The following TSHZ1 variants were observed in gnomAD, a reference collection of about 807,000 sequenced individuals.
TSHZ1 encodes teashirt homolog 1.
A neutral mutation model predicts 67.1 loss-of-function variants in TSHZ1; 12 were observed. That is an observed-to-expected ratio of 0.18 (90% CI 0.11 to 0.29). The LOEUF is 0.29. Among genes scored for constraint, TSHZ1 ranks in the 10% least tolerant of loss-of-function variants. The pLI is 1.00. For synonymous variants in TSHZ1, 632 were observed against 622.4 expected (o/e 1.02, Z -0.23); for missense variants, 1,305 against 1,413.9 (o/e 0.92, Z 1.23).
chr18:75,287,294 C>G lies in TSHZ1; in HGVS notation c.1887C>G (p.Pro629=). 6.2e-7 allele frequency: 1 copy of G among 1,614,086 alleles called. No individual in the cohort carries two copies. The highest frequency in any genetic ancestry group is 1.1e-5 in the South Asian group (1 of 91,084). The change falls in exon 2 of 2, where the codon CCC becomes CCG. Residue 629 remains proline (P), a synonymous_variant. Coordinates refer to ENST00000580243, the MANE Select transcript of TSHZ1 (RefSeq NM_001308210.2). This position sits in a 1 kb window ranked among gnomAD's most constrained non-coding sequence, Gnocchi z 5.0. The part of the protein sequence containing the change: ...ALLHSPGSLT[P]PPHKSNVSAM... Reference sequence around the variant, plus strand: ...TGCACTCCCCAGGGAGCCTCACGCCCCCACCGCACAAGAGCAACGTGTCTG... The same window carrying G: ...TGCACTCCCCAGGGAGCCTCACGCCGCCACCGCACAAGAGCAACGTGTCTG...
intron 1 of TSHZ1, among the ~76,000 whole-genome samples, chr18:75,248,274 C>T (rs79216732): frequency 2.0e-5 from 3 of 152,162 alleles, no homozygotes; most frequent in Admixed American, 1.3e-4. Context: ...CTGATTCTGG[C>T]GCAAGTTAAT....
intron 1 of TSHZ1, among the ~76,000 whole-genome samples, chr18:75,226,703 T>C (rs992479757): frequency 6.6e-6 from 1 of 151,762 alleles, no homozygotes; most frequent in African/African-American, 2.4e-5. Flanking sequence ...TCACCAGCCC[T>C]CCCAGCCGCA....
intron 1 of TSHZ1, among the ~76,000 whole-genome samples, chr18:75,275,125 G>A (rs1599053337): frequency 1.3e-5 from 2 of 152,186 alleles, no homozygotes; most frequent in Admixed American, 6.5e-5. Flanking sequence ...TCCATGCCGC[G>A]ACGGCCTAGA....
At chr18:75,215,046 C>T (rs1271774319) in intron 1 of TSHZ1, among the ~76,000 whole-genome samples, 8 of 151,886 alleles carry the variant, frequency 5.3e-5, no homozygotes, top group South Asian at 2.1e-4. Context: ...TAATGACCTC[C>T]GTAATCCTGG....
At chr18:75,274,377 G>A (rs948619937) in intron 1 of TSHZ1, among the ~76,000 whole-genome samples, 1 of 152,094 alleles carries the variant, frequency 6.6e-6, no homozygotes, top group Non-Finnish European at 1.5e-5. Flanking sequence ...TGACGCCAAC[G>A]GTGAGGGTGT....
At chr18:75,231,646 T>C (rs2023000195) in intron 1 of TSHZ1, among the ~76,000 whole-genome samples, 2 of 151,344 alleles carry the variant, frequency 1.3e-5, no homozygotes, top group South Asian at 2.1e-4. Context: ...GCGATTCTCC[T>C]GCCTCAGCCA....
chr18:75,288,186 G>C lies in TSHZ1; in HGVS notation c.2779G>C (p.Val927Leu), dbSNP rs183334241. The C allele has an allele frequency of 3.3e-5, 53 of 1,614,190 alleles. 1 individual carries two copies. The East Asian group carries it at 1.1e-3, about 34-fold the overall frequency. Reference protein sequence around the residue: ...IMSDLGPQERVHISKFTGLSM... With the variant: ...IMSDLGPQERLHISKFTGLSM... ...GTCGGACTTGGGCCCGCAGGAGAGGGTGCACATCTCGAAGTTTACTGGGCT... is the reference window on the plus strand; with the variant it reads ...GTCGGACTTGGGCCCGCAGGAGAGGCTGCACATCTCGAAGTTTACTGGGCT... Residue 927 changes from valine to leucine, a missense_variant, in exon 2 of 2, where the codon GTG becomes CTG. By Grantham distance (32) the Val-to-Leu change is conservative. Coordinates refer to ENST00000580243, the MANE Select transcript of TSHZ1 (RefSeq NM_001308210.2). This position sits in a 1 kb window ranked among gnomAD's most constrained non-coding sequence, Gnocchi z 4.9.
chr18:75,215,390 C>G (rs77565315), intron 1 of TSHZ1, among the ~76,000 whole-genome samples: 2,439 of 152,272 alleles, frequency 0.016, 112 homozygotes, highest in East Asian at 0.15. Flanking sequence ...AGGAGTGTGC[C>G]TCTCTCAAGA....
chr18:75,252,362 C>G (rs1305576619), intron 1 of TSHZ1, among the ~76,000 whole-genome samples: 2 of 152,226 alleles, frequency 1.3e-5, no homozygotes, highest in Admixed American at 6.5e-5. Flanking sequence ...GTACTGCCAA[C>G]TGGCCTTCTG....
intron 1 of TSHZ1, among the ~76,000 whole-genome samples, chr18:75,226,690 G>GC (rs2022930408): frequency 6.6e-6 from 1 of 151,672 alleles, no homozygotes; most frequent in Non-Finnish European, 1.5e-5. Context: ...CTGGAGCCAT[G>GC]CATCACCAGC....
intron 1 of TSHZ1, among the ~76,000 whole-genome samples, chr18:75,222,503 C>G (rs2022860478): frequency 6.6e-6 from 1 of 152,082 alleles, no homozygotes; most frequent in Non-Finnish European, 1.5e-5. Context: ...TCTCTCTACG[C>G]AGAGCTCCGA....
chr18:75,243,163 C>G (rs912440503), intron 1 of TSHZ1, among the ~76,000 whole-genome samples: 2 of 152,198 alleles, frequency 1.3e-5, no homozygotes, highest in African/African-American at 4.8e-5. Context: ...AAGAGGGGTA[C>G]TGCAGGCTTA....
intron 1 of TSHZ1, among the ~76,000 whole-genome samples, chr18:75,265,480 A>C (rs1444815318): frequency 6.6e-6 from 1 of 152,238 alleles, no homozygotes; most frequent in East Asian, 1.9e-4. Context: ...AGTGTGTTAC[A>C]TGACCTTAGG....
intron 1 of TSHZ1, among the ~76,000 whole-genome samples, chr18:75,242,444 C>G (rs774400629): frequency 6.6e-6 from 1 of 152,230 alleles, no homozygotes; most frequent in African/African-American, 2.4e-5. Flanking sequence ...AATTGCTTAT[C>G]CTCAAGAAAC....
At chr18:75,280,493 T>C (rs909866416) in intron 1 of TSHZ1, among the ~76,000 whole-genome samples, 14 of 152,222 alleles carry the variant, frequency 9.2e-5, no homozygotes, top group African/African-American at 3.1e-4. Flanking sequence ...ATATCTTCTC[T>C]GGCATTTAGA....
At chr18:75,278,457 C>T (rs2023642454) in intron 1 of TSHZ1, among the ~76,000 whole-genome samples, 1 of 152,188 alleles carries the variant, frequency 6.6e-6, no homozygotes, top group South Asian at 2.1e-4. Flanking sequence ...CGCCTTCTCC[C>T]CAGGTCCTAA....
At chr18:75,255,426 A>G (rs1016917493) in intron 1 of TSHZ1, among the ~76,000 whole-genome samples, 6 of 152,340 alleles carry the variant, frequency 3.9e-5, no homozygotes, top group Admixed American at 2.0e-4. Flanking sequence ...TACAGGTAAC[A>G]TGCTATTTAT....
chr18:75,256,082 G>C (rs1417471207), intron 1 of TSHZ1, among the ~76,000 whole-genome samples: 1 of 152,160 alleles, frequency 6.6e-6, no homozygotes, highest in Admixed American at 6.5e-5. Context: ...TATTTCAGTG[G>C]AAACAGATAT....
At chr18:75,266,302 C>A (rs1384483023) in intron 1 of TSHZ1, among the ~76,000 whole-genome samples, 3 of 152,174 alleles carry the variant, frequency 2.0e-5, no homozygotes, top group African/African-American at 7.2e-5. Context: ...TTGAGGAAAG[C>A]CTCTGACTTC....
Sources: allele counts gnomAD v4.1 joint callset (sites outside exome capture counted in the v4.1 genomes callset), GRCh38; gene constraint gnomAD v4.1.1; non-coding constraint Gnocchi (gnomAD v3.1); transcripts MANE v1.5; gene names NCBI Gene and HGNC (gene_info 2026-07-23, HGNC 2026-07-21).